The following DNMT3B variants were observed in gnomAD, a reference collection of about 807,000 sequenced individuals.
DNMT3B encodes DNA methyltransferase 3 beta.
A neutral mutation model predicts 120.2 loss-of-function variants in DNMT3B; 37 were observed. That is an observed-to-expected ratio of 0.31 (90% CI 0.24 to 0.40). DNMT3B has a LOEUF of 0.40. DNMT3B is among the 10% of genes least tolerant of loss of function. The probability of loss-of-function intolerance (pLI) is 1.00; values close to 1 mark genes in which losing one functional copy is unlikely to be tolerated. For missense variants in DNMT3B, 878 were observed against 1,137.3 expected (o/e 0.77, Z 3.28); for synonymous variants, 412 against 442.8 (o/e 0.93, Z 0.87).
chr20:32,807,980 C>T lies in DNMT3B; in HGVS notation c.*77C>T. 6.2e-7 allele frequency: 1 copy of T among 1,610,740 alleles called. No homozygotes were observed. Among genetic ancestry groups the T allele is most frequent in the East Asian group, 2.2e-5 (1 of 44,840 alleles). On this transcript the variant is annotated 3_prime_UTR_variant, in exon 23 of 23. Transcript: ENST00000328111. ...GAGGTGTGATTCCTGAAGGCATCCCCAGGCCCTGCTCTTCCTCAGCTGTGT... is the reference window on the plus strand; with the variant it reads ...GAGGTGTGATTCCTGAAGGCATCCCTAGGCCCTGCTCTTCCTCAGCTGTGT...
chr20:32,792,981 T>C (rs555605245), intron 9 of DNMT3B, among the ~76,000 whole-genome samples: 31 of 152,264 alleles, frequency 2.0e-4, no homozygotes, highest in Non-Finnish European at 4.0e-4. Flanking sequence ...GTCACGTGCA[T>C]ATAATTTGTA....
intron 10 of DNMT3B, 132 bp downstream of exon 10, chr20:32,793,727 C>A (rs1980267265): frequency 1.2e-5 from 12 of 975,942 alleles, no homozygotes; most frequent in Non-Finnish European, 1.9e-5. Flanking sequence ...CCCCACTCTC[C>A]CCTCACATCC....
intron 3 of DNMT3B, 32 bp downstream of exon 3, chr20:32,781,446 C>T (rs1222105859): frequency 6.2e-7 from 1 of 1,613,318 alleles, no homozygotes; most frequent in South Asian, 1.1e-5. Flanking sequence ...TTTCAGGGCT[C>T]AGGGACTTTG....
intron 19 of DNMT3B, among the ~76,000 whole-genome samples, chr20:32,802,074 A>T (rs1029294655): frequency 6.6e-6 from 1 of 152,150 alleles, no homozygotes; most frequent in African/African-American, 2.4e-5. Flanking sequence ...CAGTCCTAGC[A>T]TTTTGGGAGG....
intron 1 of DNMT3B, among the ~76,000 whole-genome samples, chr20:32,772,484 G>A (rs1286124301): frequency 6.6e-6 from 1 of 152,166 alleles, no homozygotes; most frequent in African/African-American, 2.4e-5. Context: ...GAGGGGACAG[G>A]GCTGTTGGCT....
chr20:32,796,529 G>A (rs755450133), intron 12 of DNMT3B, among the ~76,000 whole-genome samples: 18 of 152,164 alleles, frequency 1.2e-4, no homozygotes, highest in Non-Finnish European at 2.2e-4. Flanking sequence ...CACCAGGGAG[G>A]TCCCCCTGCT....
chr20:32,796,930 C>A, intron 13 of DNMT3B, 61 bp downstream of exon 13: 1 of 1,614,148 alleles, frequency 6.2e-7, no homozygotes, highest in South Asian at 1.1e-5. Flanking sequence ...CTCCCCTCTC[C>A]TTCCCAACAG....
Position 32,808,461 on chromosome 20 carries a change from C to G in DNMT3B, c.*558C>G, listed in dbSNP as rs1982195268. On this transcript the variant is annotated 3_prime_UTR_variant, in exon 23 of 23. Transcript: ENST00000328111. ...GAGAAAATGTTGTATATGTCTTTTA[C>G]CCGGCACATTCCCCTTGCCTAAATA... 2 of 238,800 alleles carry G rather than the reference C, an allele frequency of 8.4e-6. No individual in the cohort carries two copies. Among genetic ancestry groups the G allele is most frequent in the Non-Finnish European group, 1.6e-5 (2 of 121,440 alleles). 14.8% of individuals were successfully genotyped at this position (238,800 alleles called of 1,614,324 possible). A position where few individuals can be genotyped will look rare whatever the true frequency, so the allele number is the denominator to read the frequency against.
rs988983717 is a variant in DNMT3B at position 32,791,699 on chromosome 20, T to C, written c.912T>C (p.His304=). ...KLVSYRKAMY[H]ALEKARVRAG... ...TCTCCTATCGAAAAGCCATGTACCATGCTCTGGAGGTAACATGGGATGAGG... is the reference window on the plus strand; with the variant it reads ...TCTCCTATCGAAAAGCCATGTACCACGCTCTGGAGGTAACATGGGATGAGG... Residue 304 remains histidine, a synonymous_variant, in exon 8 of 23, where the codon CAT becomes CAC. Transcript: ENST00000328111. The C allele has an allele frequency of 1.2e-6, 2 of 1,613,988 alleles. No individual in the cohort carries two copies. Among genetic ancestry groups the C allele is most frequent in the Non-Finnish European group, 1.7e-6 (2 of 1,179,878 alleles).
In DNMT3B at chr20:32,806,268, A is replaced by C. The variant is rs369258965; in HGVS notation, c.2361A>C (p.Gln787His). 1.7e-5 allele frequency: 28 copies of C among 1,614,010 alleles called. 1 individual carries two copies. The South Asian group carries it at 2.4e-4, about 14-fold the overall frequency. Residue 787 changes from glutamine (Q) to histidine (H), a missense_variant, in exon 22 of 23, where the codon CAA becomes CAC. By Grantham distance (24) the Gln-to-His change is conservative. Coordinates refer to ENST00000328111, the MANE Select transcript of DNMT3B (RefSeq NM_006892.4). Reference protein sequence around the residue: ...KSNSIKQGKNQLFPVVMNGKE... With the variant: ...KSNSIKQGKNHLFPVVMNGKE... ...ACTCGATCAAACAGGGGAAAAACCA[A>C]CTTTTCCCTGTTGTCATGAATGGCA... is the stretch of plus-strand genomic sequence containing the variant.
intron 1 of DNMT3B, among the ~76,000 whole-genome samples, chr20:32,765,750 CTTTTTTTCTTTTTT>C (rs1447276818): frequency 1.8e-5 from 2 of 108,440 alleles, no homozygotes; most frequent in African/African-American, 1.0e-4. Flanking sequence ...TTTATTTTTT[CTTTTTTTCTTTTTT>C]TTTTTTTTTG....
At chr20:32,787,662 G>A (rs1979489463) in intron 6 of DNMT3B, among the ~76,000 whole-genome samples, 1 of 152,188 alleles carries the variant, frequency 6.6e-6, no homozygotes, top group South Asian at 2.1e-4. Context: ...TCAAATGCCA[G>A]TATTTACCAC....
At position 32,762,413 on chromosome 20, in the gene DNMT3B, C is replaced by T. The variant is rs1476795530; in HGVS notation, c.-293C>T. 3 of 155,510 alleles carry T rather than the reference C, an allele frequency of 1.9e-5. No homozygotes were observed. The highest frequency in any genetic ancestry group is 2.0e-4 in the South Asian group (1 of 5,078). 9.6% of individuals were successfully genotyped at this position (155,510 alleles called of 1,614,324 possible). The stretch of plus-strand genomic sequence containing the variant: ...CACTCCCGCTGCCCCGTCCGGCCCG[C>T]GCCGCTTCCTCGCAGCAGCTGCTCC... On this transcript the variant is annotated 5_prime_UTR_variant, in exon 1 of 23. Coordinates refer to ENST00000328111, the MANE Select transcript of DNMT3B (RefSeq NM_006892.4).
intron 13 of DNMT3B, 159 bp downstream of exon 13, chr20:32,797,028 G>A (rs1347719035): frequency 1.2e-6 from 2 of 1,609,158 alleles, no homozygotes; most frequent in Non-Finnish European, 1.7e-6. Flanking sequence ...CTGTCACAGA[G>A]GCCAATGGCA....
intron 9 of DNMT3B, among the ~76,000 whole-genome samples, chr20:32,793,044 T>C (rs1208753184): frequency 6.6e-6 from 1 of 152,244 alleles, no homozygotes; most frequent in African/African-American, 2.4e-5. Context: ...TAGCACCTTT[T>C]TTATTAAAGG....
intron 3 of DNMT3B, among the ~76,000 whole-genome samples, 174 bp from the exon 4 acceptor site, chr20:32,784,584 G>C (rs536755244): frequency 1.3e-5 from 2 of 152,140 alleles, no homozygotes; most frequent in Non-Finnish European, 2.9e-5. Context: ...CATTGCTTCC[G>C]GGGCATCTGT....
chr20:32,780,397 G>A lies in DNMT3B; in HGVS notation c.74G>A (p.Gly25Glu). The A allele has an allele frequency of 1.9e-6, 3 of 1,613,966 alleles. No individual in the cohort carries two copies. Among genetic ancestry groups the A allele is most frequent in the Non-Finnish European group, 2.5e-6 (3 of 1,180,000 alleles). The change falls in exon 2 of 23, where the codon GGG becomes GAG. Residue 25 changes from glycine (G) to glutamate (E), a missense_variant. Gly to Glu is a moderately conservative substitution (Grantham distance 98, BLOSUM62 -2). Transcript: ENST00000328111. ...AGGGAAGACTCGATCCTCGTCAACG[G>A]GGCCTGCAGCGACCAGTCCTCCGAC... The part of the protein sequence containing the change: ...GGREDSILVN[G>E]ACSDQSSDSP...
intron 12 of DNMT3B, among the ~76,000 whole-genome samples, chr20:32,796,236 A>G (rs1046879177): frequency 2.0e-5 from 3 of 152,090 alleles, no homozygotes; most frequent in African/African-American, 2.4e-5. Context: ...TAGAAATCCT[A>G]TTCCCCAAGA....
At chr20:32,774,352 G>C (rs113268841) in intron 1 of DNMT3B, among the ~76,000 whole-genome samples, 2,597 of 151,836 alleles carry the variant, frequency 0.017, 61 homozygotes, top group African/African-American at 0.052. Flanking sequence ...TGGGACTACA[G>C]GTGCTCACCA....
Sources: gnomAD v4.1 joint callset for allele counts (sites outside exome capture counted in the v4.1 genomes callset) on GRCh38, gnomAD v4.1.1 for gene constraint, MANE v1.5 for transcripts, NCBI Gene and HGNC (gene_info 2026-07-23, HGNC 2026-07-21) for gene names.